ABI3BP: variants seen among roughly 807,000 people sequenced by gnomAD.
ABI3BP encodes ABI family member 3 binding protein.
A neutral mutation model predicts 268.6 loss-of-function variants in ABI3BP; 216 were observed. The observed-to-expected ratio is 0.80, with a 90% CI of 0.72 to 0.90. The LOEUF (loss-of-function observed/expected upper bound fraction) is 0.90, where lower values mean the gene tolerates loss of function less well. ABI3BP is among the 40% of genes least tolerant of loss of function. The pLI, the probability that ABI3BP is intolerant of heterozygous loss-of-function variation, is 0.00. For synonymous variants in ABI3BP, 730 were observed against 730.0 expected, an observed-to-expected ratio of 1.00 and a Z score of 0.00; for missense variants, 2,090 against 2,182.4, an observed-to-expected ratio of 0.96 and a Z score of 0.84.
Position 100,772,927 on chromosome 3 carries a change from A to G in ABI3BP, c.4531+1678T>C, listed in dbSNP as rs113273097. ...AACCACATCTCTACTAAAAATACAA[A>G]AACTATGGGGATGGTGACGGGCACC... On this transcript the variant is annotated intron_variant, in intron 61 of 67. Transcript: ENST00000471714. Among the ~76,000 whole-genome samples, 262 of 152,038 alleles carry G rather than the reference A, an allele frequency of 1.7e-3. 2 individuals carry two copies. In the South Asian group the frequency reaches 0.024, roughly 14 times the overall value.
chr3:100,985,141 C>CTTTT (rs1172049956), intron 1 of ABI3BP, among the ~76,000 whole-genome samples: 55 of 79,848 alleles, frequency 6.9e-4, no homozygotes, highest in Non-Finnish European at 9.2e-4. Flanking sequence ...CAGAAAAGCA[C>CTTTT]TTTTTTTTTT....
intron 51 of ABI3BP, among the ~76,000 whole-genome samples, chr3:100,798,138 C>G (rs570937409): frequency 2.0e-5 from 3 of 152,188 alleles, no homozygotes; most frequent in Admixed American, 6.5e-5. Context: ...AGATGTGGTA[C>G]TAATAAATCC....
Position 100,911,202 on chromosome 3 carries a change from G to A in ABI3BP, c.260-8516C>T. ...TACTAGCTGGACTAGCTTCAGGAATGTCAGTGTGTTCTACCATTAAGGTCA... is the reference window on the plus strand; with the variant it reads ...TACTAGCTGGACTAGCTTCAGGAATATCAGTGTGTTCTACCATTAAGGTCA... On this transcript the variant is annotated intron_variant, in intron 2 of 67. Coordinates refer to ENST00000471714, the MANE Select transcript of ABI3BP (RefSeq NM_001375547.2). The A allele has an allele frequency of 7.6e-6, 3 of 395,694 alleles. 1 individual carries two copies. In the South Asian group the frequency reaches 9.3e-5, roughly 12 times the overall value. The allele number at this position is 395,694 out of a possible 1,614,324, so 24.5% of individuals were successfully genotyped here. A position where few individuals can be genotyped will look rare whatever the true frequency, so the allele number is the denominator to read the frequency against.
At position 100,968,667 on chromosome 3, in the gene ABI3BP, A is replaced by T. The variant is rs923852553; in HGVS notation, c.79+24639T>A. On this transcript the variant is annotated intron_variant, in intron 1 of 67. Transcript: ENST00000471714. ...TTTACAACAAAATTTTATGTTGTTGATTTTTTAGTGTACTTTTTTTCATTT... is the reference window on the plus strand; with the variant it reads ...TTTACAACAAAATTTTATGTTGTTGTTTTTTTAGTGTACTTTTTTTCATTT... 7.2e-5 allele frequency among the ~76,000 whole-genome samples: 11 copies of T among 152,156 alleles called. No individual in the cohort carries two copies. In the South Asian group the frequency reaches 1.9e-3, roughly 26 times the overall value.
intron 40 of ABI3BP, among the ~76,000 whole-genome samples, chr3:100,819,139 G>A (rs1186708316): frequency 6.6e-6 from 1 of 152,084 alleles, no homozygotes; most frequent in Non-Finnish European, 1.5e-5. Context: ...GATGCTTCTT[G>A]GGTCAGATGC....
At chr3:100,898,646 C>T in intron 4 of ABI3BP, 116 bp downstream of exon 4, 2 of 1,200,192 alleles carry the variant, frequency 1.7e-6, no homozygotes, top group Non-Finnish European at 2.2e-6. Flanking sequence ...TTGTTCCCCT[C>T]ACACCTAGAA....
Position 100,866,280 on chromosome 3 carries a change from C to T in ABI3BP, c.988+599G>A, listed in dbSNP as rs1252106884. ...CTCTAGCTCAAAGATTAATGCCTCCCCCCTGGACTGGACTTGAGTAGTTCA... is the reference window on the plus strand; with the variant it reads ...CTCTAGCTCAAAGATTAATGCCTCCTCCCTGGACTGGACTTGAGTAGTTCA... On this transcript the variant is annotated intron_variant, in intron 10 of 67. Coordinates refer to ENST00000471714, the MANE Select transcript of ABI3BP (RefSeq NM_001375547.2). Among the ~76,000 whole-genome samples the T allele has an allele frequency of 2.0e-5, 3 of 152,216 alleles. No individual in the cohort carries two copies. In the East Asian group the frequency reaches 5.8e-4, roughly 29 times the overall value.
chr3:100,832,440 T>A, intron 30 of ABI3BP, 90 bp from the exon 31 acceptor site: 1 of 1,231,252 alleles, frequency 8.1e-7, no homozygotes, highest in South Asian at 1.5e-5. Flanking sequence ...AAAATACTTG[T>A]TAGAGTTTGA....
intron 1 of ABI3BP, among the ~76,000 whole-genome samples, chr3:100,975,131 T>C (rs994161285): frequency 6.6e-6 from 1 of 152,308 alleles, no homozygotes. Context: ...TTAGTAATAG[T>C]ATAGGGATTT....
At position 100,976,521 on chromosome 3, in the gene ABI3BP, G is replaced by A. The variant is rs540620466; in HGVS notation, c.79+16785C>T. 3.3e-5 allele frequency among the ~76,000 whole-genome samples: 5 copies of A among 152,186 alleles called. No homozygotes were observed. In the East Asian group the frequency reaches 9.6e-4, roughly 29 times the overall value. On this transcript the variant is annotated intron_variant, in intron 1 of 67. Transcript: ENST00000471714. Reference sequence around the variant, plus strand: ...TTGGTTTGTGTATTCCTCTTGCTAGGATATAAATTCCACCAGGATGGTAAC... The same window carrying A: ...TTGGTTTGTGTATTCCTCTTGCTAGAATATAAATTCCACCAGGATGGTAAC...
chr3:100,969,233 A>T (rs1191632342), intron 1 of ABI3BP, among the ~76,000 whole-genome samples: 1 of 152,216 alleles, frequency 6.6e-6, no homozygotes, highest in African/African-American at 2.4e-5. Flanking sequence ...GGAGTACAGC[A>T]TCCCAAATTT....
chr3:100,752,846 A>G lies in ABI3BP; in HGVS notation c.5063T>C (p.Val1688Ala), dbSNP rs377495269. 1 of 1,613,588 alleles carries G rather than the reference A, an allele frequency of 6.2e-7. No homozygotes were observed. The highest frequency in any genetic ancestry group is 1.1e-5 in the South Asian group (1 of 91,076). Residue 1688 changes from valine to alanine, a missense_variant, in exon 66 of 68, where the codon GTA becomes GCA. Val to Ala is a moderately conservative substitution (Grantham distance 64). Coordinates refer to ENST00000471714, the MANE Select transcript of ABI3BP (RefSeq NM_001375547.2). ...YVKRTWYKKF[V>A]GVQLCNSLRY... The stretch of plus-strand genomic sequence containing the variant: ...GAGAGAGTTGCACAGCTGCACTCCT[A>G]CAAATTTTTTATACCATGTCCTTTT...
chr3:100,855,866 T>C (rs1019247728), intron 14 of ABI3BP, among the ~76,000 whole-genome samples: 1 of 152,242 alleles, frequency 6.6e-6, no homozygotes. Context: ...AATACATTGA[T>C]AATGCTTTCT....
Position 100,815,960 on chromosome 3 carries a change from C to T in ABI3BP, c.3241G>A (p.Gly1081Ser). ...GTACTATGAACAACAGGTTCAAAGC[C>T]TGTAACAGAAACTAACCAAAAGCAA... is the stretch of plus-strand genomic sequence containing the variant. ...VPQNKSVSVT[G>S]FEPVVHSTDA... The change falls in exon 44 of 68, where the codon GGC becomes AGC. Residue 1081 changes from glycine (G) to serine (S), a missense_variant. By Grantham distance (56) the Gly-to-Ser change is moderately conservative (BLOSUM62 0). Coordinates refer to ENST00000471714, the MANE Select transcript of ABI3BP (RefSeq NM_001375547.2). 1 of 1,521,346 alleles carries T rather than the reference C, an allele frequency of 6.6e-7. No homozygotes were observed. Among genetic ancestry groups the T allele is most frequent in the Non-Finnish European group, 8.8e-7 (1 of 1,142,472 alleles). The allele number at this position is 1,521,346 out of a possible 1,614,324, so 94.2% of individuals were successfully genotyped here.
chr3:100,924,219 G>A (rs930331062), intron 2 of ABI3BP, among the ~76,000 whole-genome samples: 3 of 152,054 alleles, frequency 2.0e-5, no homozygotes, highest in Non-Finnish European at 4.4e-5. Context: ...AGAAGGTAGA[G>A]AGGATTGTTA....
chr3:100,913,361 A>G (rs1483190580), intron 2 of ABI3BP, among the ~76,000 whole-genome samples: 3 of 152,208 alleles, frequency 2.0e-5, no homozygotes, highest in African/African-American at 7.2e-5. Flanking sequence ...AAACCTGCCC[A>G]TCCATGATAA....
intron 4 of ABI3BP, among the ~76,000 whole-genome samples, chr3:100,895,915 T>A (rs894503666): frequency 2.0e-5 from 3 of 152,200 alleles, no homozygotes; most frequent in African/African-American, 7.2e-5. Flanking sequence ...TCGGGGCTAT[T>A]ATTTTTTTCC....
chr3:100,910,462 T>C (rs1446333451), intron 2 of ABI3BP, among the ~76,000 whole-genome samples: 1 of 151,976 alleles, frequency 6.6e-6, no homozygotes, highest in Non-Finnish European at 1.5e-5. Context: ...ATGACTTCGA[T>C]AAAAAGTAAA....
rs191249570 is a variant in ABI3BP, at chr3:100,849,291, C to G, written c.1502-416G>C. Among the ~76,000 whole-genome samples the G allele has an allele frequency of 4.7e-3, 696 of 147,612 alleles. 6 individuals are homozygous for G. The highest frequency in any genetic ancestry group is 0.016 in the African/African-American group (633 of 39,582). On this transcript the variant is annotated intron_variant, in intron 17 of 67. Transcript: ENST00000471714. ...ACCCAGGCTGGAGTGCGTGGCGCAA[C>G]CTTGGCTCACTGTAACCTTGGTTTC...
Sources: gnomAD v4.1 joint callset for allele counts (sites outside exome capture counted in the v4.1 genomes callset) on GRCh38, gnomAD v4.1.1 for gene constraint, MANE v1.5 for transcripts, NCBI Gene and HGNC (gene_info 2026-07-23, HGNC 2026-07-21) for gene names.